CPM: variants seen among roughly 807,000 people sequenced by gnomAD.
CPM encodes renal carboxypeptidase.
CPM carries 35 observed loss-of-function variants against 46.4 expected under a neutral mutation model. That is an observed-to-expected ratio of 0.75 (90% CI 0.58 to 1.00). The LOEUF (loss-of-function observed/expected upper bound fraction) is 1.00. Ranked by LOEUF, CPM falls within the 50% of genes least tolerant of loss-of-function variation. CPM has a pLI of 0.00. For synonymous variants in CPM, 195 were observed against 195.3 expected (o/e 1.00, Z 0.01); for missense variants, 422 against 530.4 (o/e 0.80, Z 2.01).
chr12:68,890,102 T>C (rs1195012091), intron 2 of CPM, among the ~76,000 whole-genome samples: 1 of 151,954 alleles, frequency 6.6e-6, no homozygotes, highest in Non-Finnish European at 1.5e-5. Context: ...GCTCTCAGGG[T>C]TCCAACCAAT....
intron 2 of CPM, among the ~76,000 whole-genome samples, chr12:68,914,251 C>T (rs950464298): frequency 3.3e-5 from 5 of 152,082 alleles, no homozygotes; most frequent in Non-Finnish European, 7.4e-5. Flanking sequence ...ACCTCTGCCC[C>T]GCCCCCACCC....
intron 2 of CPM, among the ~76,000 whole-genome samples, chr12:68,894,577 A>G (rs1474549506): frequency 3.9e-5 from 6 of 151,960 alleles, no homozygotes; most frequent in Non-Finnish European, 5.9e-5. Context: ...GCTTCATTGG[A>G]TTTTCTGCCT....
chr12:68,905,382 A>T (rs561606010), intron 2 of CPM, among the ~76,000 whole-genome samples: 1 of 151,756 alleles, frequency 6.6e-6, no homozygotes, highest in South Asian at 2.1e-4. Context: ...CTGGGCTCAA[A>T]GAATCCTCCC....
At chr12:68,860,051 G>C (rs1885141411) in intron 7 of CPM, among the ~76,000 whole-genome samples, 1 of 152,278 alleles carries the variant, frequency 6.6e-6, no homozygotes, top group South Asian at 2.1e-4. Context: ...CGAGGCACAC[G>C]TAACAGTTTC....
chr12:68,858,354 C>T (rs1885061724), intron 8 of CPM, among the ~76,000 whole-genome samples: 1 of 152,128 alleles, frequency 6.6e-6, no homozygotes, highest in Non-Finnish European at 1.5e-5. Flanking sequence ...TTAGTCCATG[C>T]CTTCCTGTCT....
intron 2 of CPM, among the ~76,000 whole-genome samples, chr12:68,903,789 C>T (rs746161500): frequency 1.3e-5 from 2 of 152,002 alleles, no homozygotes; most frequent in Non-Finnish European, 2.9e-5. Flanking sequence ...ACAAGTCAGG[C>T]CTCCCTCCCT....
chr12:68,888,486 C>A (rs916478691), intron 2 of CPM, among the ~76,000 whole-genome samples: 1 of 152,200 alleles, frequency 6.6e-6, no homozygotes, highest in Non-Finnish European at 1.5e-5. Context: ...AATGACAGGC[C>A]TCTTGAAGGG....
chr12:68,913,377 C>T (rs904200037), intron 2 of CPM, among the ~76,000 whole-genome samples: 1 of 152,090 alleles, frequency 6.6e-6, no homozygotes, highest in Non-Finnish European at 1.5e-5. Flanking sequence ...ACTCTGTCTG[C>T]CCAGAGCATA....
chr12:68,884,832 G>C (rs949854456), intron 3 of CPM, among the ~76,000 whole-genome samples: 2 of 152,198 alleles, frequency 1.3e-5, no homozygotes, highest in Non-Finnish European at 2.9e-5. Context: ...GGCAAGAATG[G>C]CTGGGTAGGT....
intron 2 of CPM, among the ~76,000 whole-genome samples, chr12:68,905,175 G>C (rs11836246): frequency 0.016 from 2,504 of 152,188 alleles, 65 homozygotes; most frequent in African/African-American, 0.058. Flanking sequence ...CTCCCAAGGT[G>C]CTAGGATTAC....
intron 3 of CPM, among the ~76,000 whole-genome samples, chr12:68,881,919 A>G: frequency 6.7e-6 from 1 of 150,158 alleles, no homozygotes; most frequent in East Asian, 1.9e-4. Flanking sequence ...ATGGGGTTTC[A>G]CCATGTTGGC....
intron 2 of CPM, among the ~76,000 whole-genome samples, chr12:68,929,037 A>G (rs1170663105): frequency 6.6e-6 from 1 of 152,068 alleles, no homozygotes; most frequent in Non-Finnish European, 1.5e-5. Context: ...AGATGGTAGG[A>G]AATCTCATTT....
chr12:68,872,152 G>A (rs1198050551), intron 3 of CPM, among the ~76,000 whole-genome samples, 196 bp from the exon 4 acceptor site: 1 of 152,024 alleles, frequency 6.6e-6, no homozygotes, highest in African/African-American at 2.4e-5. Flanking sequence ...CCTGAGGTAT[G>A]CTGAAAAATG....
At chr12:68,880,224 G>T (rs898716185) in intron 3 of CPM, among the ~76,000 whole-genome samples, 12 of 152,284 alleles carry the variant, frequency 7.9e-5, no homozygotes, top group African/African-American at 2.9e-4. Flanking sequence ...TAATGTGTGT[G>T]CCTGGATGAA....
At position 68,959,177 on chromosome 12, in the gene CPM, C is replaced by A. The variant is rs193171699; in HGVS notation, c.-4+3992G>T. ...CATGAGAATAGGGTCCTGGTCATCCCGTTCAGTGTTGCATCCCAGCACCCA... is the reference window on the plus strand; with the variant it reads ...CATGAGAATAGGGTCCTGGTCATCCAGTTCAGTGTTGCATCCCAGCACCCA... On this transcript the variant is annotated intron_variant, in intron 1 of 8. Coordinates refer to the CPM transcript ENST00000546373. Among the ~76,000 whole-genome samples the A allele has an allele frequency of 2.8e-4, 43 of 152,176 alleles. 1 individual carries two copies. Among genetic ancestry groups the A allele is most frequent in the African/African-American group, 9.2e-4 (38 of 41,420 alleles).
At chr12:68,879,089 G>A (rs1886079505) in intron 3 of CPM, among the ~76,000 whole-genome samples, 3 of 152,214 alleles carry the variant, frequency 2.0e-5, no homozygotes, top group African/African-American at 7.2e-5. Flanking sequence ...GTGGGAGGCT[G>A]AGGCAGGAGG....
At chr12:68,891,819 C>T (rs1886665466) in intron 2 of CPM, among the ~76,000 whole-genome samples, 1 of 152,136 alleles carries the variant, frequency 6.6e-6, no homozygotes, top group Non-Finnish European at 1.5e-5. Flanking sequence ...TCACTGCAGC[C>T]TCCACTTCCT....
At position 68,898,559 on chromosome 12, in the gene CPM, T is replaced by G. The variant is rs75488331; in HGVS notation, c.161-12670A>C. Among the ~76,000 whole-genome samples, 364 of 152,336 alleles carry G rather than the reference T, an allele frequency of 2.4e-3. 1 individual carries two copies. The highest frequency in any genetic ancestry group is 8.4e-3 in the African/African-American group (350 of 41,582). On this transcript the variant is annotated intron_variant, in intron 2 of 8. Transcript: ENST00000551568. ...TTAACAAAGGTGGACTACTTCTCACTAGTATCACTGTTTTGAGATTTAAAT... is the reference window on the plus strand; with the variant it reads ...TTAACAAAGGTGGACTACTTCTCACGAGTATCACTGTTTTGAGATTTAAAT...
intron 2 of CPM, among the ~76,000 whole-genome samples, chr12:68,925,659 T>C (rs755766655): frequency 5.9e-5 from 9 of 152,202 alleles, no homozygotes; most frequent in Non-Finnish European, 1.3e-4. Context: ...AACTGTGTAG[T>C]ATGATTGCAG....
Sources: gnomAD v4.1 joint callset for allele counts (sites outside exome capture counted in the v4.1 genomes callset) on GRCh38, gnomAD v4.1.1 for gene constraint, MANE v1.5 for transcripts, NCBI Gene and HGNC (gene_info 2026-07-23, HGNC 2026-07-21) for gene names.